NANS: variants seen among roughly 807,000 people sequenced by gnomAD.
NANS encodes N-acetylneuraminate synthase, also known as N-acetylneuraminate-9-phosphate synthase.
NANS carries 29 observed loss-of-function variants against 33.3 expected under a neutral mutation model. The ratio of observed to expected loss-of-function variants is 0.87; its 90% CI spans 0.65 to 1.19. NANS has a LOEUF of 1.19. Among genes scored for constraint, NANS ranks in the 50% most tolerant of loss-of-function variants. NANS has a pLI of 0.00. For missense variants in NANS, 394 were observed against 461.1 expected (o/e 0.85, Z 1.33); for synonymous variants, 163 against 177.2 (o/e 0.92, Z 0.64).
intron 2 of NANS, among the ~76,000 whole-genome samples, chr9:98,067,259 C>G (rs190162781): frequency 3.9e-5 from 6 of 152,124 alleles, no homozygotes; most frequent in Non-Finnish European, 7.3e-5. Context: ...CATTTCTCTT[C>G]GGTATTACAT....
chr9:98,078,035 A>T, intron 3 of NANS, 158 bp from the exon 4 acceptor site: 1 of 1,100,232 alleles, frequency 9.1e-7, no homozygotes, highest in Non-Finnish European at 1.3e-6. Context: ...GCAGGAACCC[A>T]ACAAGCTCCT....
chr9:98,078,129 G>T, intron 3 of NANS, 64 bp from the exon 4 acceptor site: 1 of 1,604,524 alleles, frequency 6.2e-7, no homozygotes, highest in Non-Finnish European at 8.5e-7. Flanking sequence ...CAGTTGGGAT[G>T]TGTTGGGGAG....
chr9:98,077,091 C>T, intron 3 of NANS, 74 bp downstream of exon 3: 1 of 1,072,842 alleles, frequency 9.3e-7, no homozygotes, highest in Non-Finnish European at 1.3e-6. Context: ...CATGGTGGCC[C>T]ACTTTCAGCA....
At chr9:98,082,565 T>C (rs1829920888) in intron 5 of NANS, among the ~76,000 whole-genome samples, 1 of 152,240 alleles carries the variant, frequency 6.6e-6, no homozygotes, top group Admixed American at 6.5e-5. Flanking sequence ...ACGTGGCCTA[T>C]ACCCCACAGA....
intron 2 of NANS, among the ~76,000 whole-genome samples, chr9:98,068,597 TG>T (rs1188359913): frequency 6.6e-6 from 1 of 150,748 alleles, no homozygotes; most frequent in Non-Finnish European, 1.5e-5. Flanking sequence ...GAGGGTCGCT[TG>T]AGGCCAGGAG....
chr9:98,057,204 A>G (rs1828852608), intron 1 of NANS, among the ~76,000 whole-genome samples: 1 of 152,228 alleles, frequency 6.6e-6, no homozygotes, highest in Non-Finnish European at 1.5e-5. Context: ...TCTAAAAGTC[A>G]GACTTGATCA....
rs1020562596 is a variant in NANS, at chr9:98,081,030, T to G, written c.818T>G (p.Leu273Arg). Residue 273 changes from leucine to arginine, a missense_variant, in exon 5 of 6, where the codon CTG becomes CGG. Transcript: ENST00000210444. Reference protein sequence around the residue: ...VRSVRLVERALGSPTKQLLPC... With the variant: ...VRSVRLVERARGSPTKQLLPC... ...TCAGTGCGTCTTGTGGAGCGTGCCCTGGGCTCCCCAACCAAGCAGCTGCTG... is the reference window on the plus strand; with the variant it reads ...TCAGTGCGTCTTGTGGAGCGTGCCCGGGGCTCCCCAACCAAGCAGCTGCTG... 6.2e-7 allele frequency: 1 copy of G among 1,614,064 alleles called. No homozygotes were observed. Among genetic ancestry groups the G allele is most frequent in the Non-Finnish European group, 8.5e-7 (1 of 1,180,034 alleles).
chr9:98,064,204 C>T (rs971312586), intron 2 of NANS, among the ~76,000 whole-genome samples: 1 of 152,150 alleles, frequency 6.6e-6, no homozygotes, highest in African/African-American at 2.4e-5. Context: ...TCACAGCATT[C>T]GTACGCATGA....
chr9:98,056,771 C>G lies in NANS; in HGVS notation c.-38C>G, dbSNP rs1305041037. 3 of 1,604,040 alleles carry G rather than the reference C, an allele frequency of 1.9e-6. No individual in the cohort carries two copies. The African/African-American group carries it at 4.0e-5, about 22-fold the overall frequency. Reference sequence around the variant, plus strand: ...AGGCGGCGGCGGCGGCGGCCGGACCCAGACTGGTAGTGAGGCTTTGGACCC... The same window carrying G: ...AGGCGGCGGCGGCGGCGGCCGGACCGAGACTGGTAGTGAGGCTTTGGACCC... On this transcript the variant is annotated 5_prime_UTR_variant, in exon 1 of 6. Transcript: ENST00000210444.
intron 2 of NANS, among the ~76,000 whole-genome samples, chr9:98,065,692 C>A (rs1336468397): frequency 6.6e-6 from 1 of 151,158 alleles, no homozygotes; most frequent in Non-Finnish European, 1.5e-5. Context: ...GCTGTGTCTC[C>A]ACCGAAATCT....
intron 1 of NANS, among the ~76,000 whole-genome samples, 172 bp from the exon 2 acceptor site, chr9:98,060,610 T>C (rs890998843): frequency 1.3e-5 from 2 of 151,326 alleles, no homozygotes; most frequent in Admixed American, 6.6e-5. Context: ...GCATTGGTTG[T>C]AGTGAGCCGA....
At chr9:98,076,740 G>T in intron 2 of NANS, 178 bp from the exon 3 acceptor site, 1 of 584,812 alleles carries the variant, frequency 1.7e-6, no homozygotes, top group East Asian at 3.1e-5. Context: ...GGATGCAAAT[G>T]AATGTTTGCA....
In NANS at chr9:98,076,380, C is replaced by CT. The variant is rs200078832; in HGVS notation, c.349-526dup. The CT allele has an allele frequency of 8.4e-3, 1,235 of 146,204 alleles. 18 individuals carry two copies. The highest frequency in any genetic ancestry group is 0.072 in the East Asian group (366 of 5,052). 9.1% of individuals were successfully genotyped at this position (146,204 alleles called of 1,614,324 possible). On this transcript the variant is annotated intron_variant, in intron 2 of 5. Transcript: ENST00000210444. ...CAGGGGAAAGGTTCTTTTCCAGATT[C>CT]TTTTTTTTTTTTGAGATGGAGTCTC...
chr9:98,069,122 T>C (rs538731795), intron 2 of NANS, among the ~76,000 whole-genome samples: 1 of 152,218 alleles, frequency 6.6e-6, no homozygotes, highest in South Asian at 2.1e-4. Context: ...TTAACATTCA[T>C]ACAAAAACCT....
At chr9:98,063,352 A>G (rs1829041887) in intron 2 of NANS, among the ~76,000 whole-genome samples, 1 of 151,742 alleles carries the variant, frequency 6.6e-6, no homozygotes, top group Admixed American at 6.6e-5. Flanking sequence ...AGTTATTCTC[A>G]TGGCTCAGCC....
intron 5 of NANS, chr9:98,081,797 T>C (rs1006674558): frequency 3.9e-5 from 6 of 152,206 alleles, no homozygotes; most frequent in African/African-American, 1.2e-4. Flanking sequence ...CCTGGGACTG[T>C]TGTCACCTTT....
intron 3 of NANS, 130 bp from the exon 4 acceptor site, chr9:98,078,063 G>C (rs982314001): frequency 7.3e-7 from 1 of 1,373,430 alleles, no homozygotes; most frequent in African/African-American, 1.4e-5. Flanking sequence ...CCCCCACAGG[G>C]GCTGGCACAG....
At chr9:98,073,258 T>TCATCA (rs1369587654) in intron 2 of NANS, among the ~76,000 whole-genome samples, 1 of 129,262 alleles carries the variant, frequency 7.7e-6, no homozygotes, top group Non-Finnish European at 1.6e-5. Flanking sequence ...TCTCCCCAGC[T>TCATCA]CATCACCATG....
Position 98,056,816 on chromosome 9 carries a change from T to C in NANS, c.8T>C (p.Leu3Pro), listed in dbSNP as rs141699820. The change falls in exon 1 of 6, where the codon CTG becomes CCG. Residue 3 changes from leucine (L) to proline (P), a missense_variant. Physicochemically the swap from Leu to Pro is moderately conservative, Grantham distance 98 (BLOSUM62 -3). Coordinates refer to ENST00000210444, the MANE Select transcript of NANS (RefSeq NM_018946.4). ...GGACCCCGAGCCGCTGCAATGCCGC[T>C]GGAGCTGGAGCTGTGTCCCGGGCGC... The part of the protein sequence containing the change: MP[L>P]ELELCPGRWV... 3.7e-6 allele frequency: 6 copies of C among 1,608,164 alleles called. No homozygotes were observed. Among genetic ancestry groups the C allele is most frequent in the African/African-American group, 1.3e-5 (1 of 74,646 alleles).
Sources: gnomAD v4.1 joint callset for allele counts (sites outside exome capture counted in the v4.1 genomes callset) on GRCh38, gnomAD v4.1.1 for gene constraint, MANE v1.5 for transcripts, NCBI Gene and HGNC (gene_info 2026-07-23, HGNC 2026-07-21) for gene names.